NIPSNAP1: variants seen among roughly 807,000 people sequenced by gnomAD.
The protein encoded by NIPSNAP1 is nipsnap homolog 1, also known as protein NipSnap homolog 1.
In NIPSNAP1, 25 loss-of-function variants were observed where a neutral mutation model predicts 49.2. That is an observed-to-expected ratio of 0.51 (90% CI 0.37 to 0.71). The LOEUF (loss-of-function observed/expected upper bound fraction) is 0.71. Ranked by LOEUF, NIPSNAP1 falls within the 30% of genes least tolerant of loss-of-function variation. The pLI is 0.00. For missense variants in NIPSNAP1, 294 were observed against 361.0 expected (o/e 0.81, Z 1.50); for synonymous variants, 143 against 140.7 (o/e 1.02, Z -0.12).
chr22:29,581,038 C>T lies in NIPSNAP1; in HGVS notation c.45G>A (p.Leu15=). ...CAGCGCGAGGCCCCGGGCCCCCCAG[C>T]AGCCGCCGCGCCGTCACAGAGATGC... is the stretch of plus-strand genomic sequence containing the variant. ...LCSISVTARR[L]LGGPGPRAGD... is the part of the protein sequence containing the mutation. Residue 15 remains leucine (L), a synonymous_variant, in exon 1 of 10, where the codon CTG becomes CTA. Transcript: ENST00000216121. 6.5e-7 allele frequency: 1 copy of T among 1,538,698 alleles called. No individual in the cohort carries two copies.
rs571628816 is a variant in NIPSNAP1, at chr22:29,570,448, G to A, written c.183C>T (p.Thr61=). 15 of 1,614,196 alleles carry A rather than the reference G, an allele frequency of 9.3e-6. No individual in the cohort carries two copies. The South Asian group carries it at 1.6e-4, about 18-fold the overall frequency. ...KVDPRKDAHS[T]LLSKKETSNL... is the part of the protein sequence containing the mutation. ...TGCTGGTTTCCTTCTTGGACAGCAG[G>A]GTGGAGTGGGCATCCTTCCGGGGAT... Residue 61 remains threonine, a synonymous_variant, in exon 2 of 10, where the codon ACC becomes ACT. Transcript: ENST00000216121.
chr22:29,554,925 C>A lies in NIPSNAP1; in HGVS notation c.*1010G>T, dbSNP rs2064277039. ...GAGGTATGGGGGTCACTGAGGAGAC[C>A]CCCAGAGTCACTGACCCCTCCCGCC... is the stretch of plus-strand genomic sequence containing the variant. On this transcript the variant is annotated 3_prime_UTR_variant, in exon 10 of 10. Transcript: ENST00000216121. 1 of 152,556 alleles carries A rather than the reference C, an allele frequency of 6.6e-6. No individual in the cohort carries two copies. Among genetic ancestry groups the A allele is most frequent in the Non-Finnish European group, 1.5e-5 (1 of 68,040 alleles). The allele number at this position is 152,556 out of a possible 1,614,324, so 9.5% of individuals were successfully genotyped here.
rs907911501 is a variant in NIPSNAP1 at position 29,580,379 on chromosome 22, C to T, written c.98+606G>A. On this transcript the variant is annotated intron_variant, in intron 1 of 9. Transcript: ENST00000216121. ...GCTGAGAGCACATGGCCCAGCCAGACTCCCACTCCCAGGAGGCCACCAGTT... is the reference window on the plus strand; with the variant it reads ...GCTGAGAGCACATGGCCCAGCCAGATTCCCACTCCCAGGAGGCCACCAGTT... 1.2e-5 allele frequency: 7 copies of T among 607,820 alleles called. No homozygotes were observed. In the African/African-American group the frequency reaches 1.4e-4, roughly 12 times the overall value. 37.7% of individuals were successfully genotyped at this position (607,820 alleles called of 1,614,324 possible).
intron 4 of NIPSNAP1, among the ~76,000 whole-genome samples, chr22:29,562,605 C>T (rs1168771994): frequency 1.3e-5 from 2 of 151,088 alleles, no homozygotes; most frequent in Non-Finnish European, 3.0e-5. Context: ...GCAGGAGAAT[C>T]ACTTGAACCT....
At chr22:29,556,120 G>A (rs1218644479) in intron 9 of NIPSNAP1, 121 bp from the exon 10 acceptor site, 2 of 785,108 alleles carry the variant, frequency 2.5e-6, no homozygotes, top group Non-Finnish European at 4.3e-6. Flanking sequence ...GCTGCGACAG[G>A]AATGTCCCAT....
At chr22:29,557,873 T>A (rs2064306967) in intron 9 of NIPSNAP1, among the ~76,000 whole-genome samples, 1 of 152,144 alleles carries the variant, frequency 6.6e-6, no homozygotes, top group African/African-American at 2.4e-5. Flanking sequence ...ACCACCTACC[T>A]ACCACAGTTC....
intron 1 of NIPSNAP1, chr22:29,580,006 T>C (rs2064485459): frequency 2.7e-6 from 3 of 1,100,118 alleles, no homozygotes; most frequent in Admixed American, 4.6e-5. Flanking sequence ...GCAGGCACTA[T>C]CAGAACTTTG....
At chr22:29,573,799 G>A (rs1046767651) in intron 1 of NIPSNAP1, among the ~76,000 whole-genome samples, 4 of 140,662 alleles carry the variant, frequency 2.8e-5, no homozygotes, top group African/African-American at 5.2e-5. Context: ...AGGTGTGGTC[G>A]AGTGTCAAGT....
chr22:29,566,947 C>A (rs1431527799), intron 4 of NIPSNAP1, among the ~76,000 whole-genome samples: 1 of 152,102 alleles, frequency 6.6e-6, no homozygotes, highest in East Asian at 1.9e-4. Context: ...CATGGTGAAA[C>A]CCTGTTTCTA....
chr22:29,564,198 C>T, intron 4 of NIPSNAP1: 1 of 390,988 alleles, frequency 2.6e-6, no homozygotes, highest in South Asian at 2.0e-5. Flanking sequence ...GAAACTCAGA[C>T]TCTGTAACTT....
In NIPSNAP1 at chr22:29,561,478, C is replaced by G. The variant is rs578161472; in HGVS notation, c.579+28G>C. The G allele has an allele frequency of 1.2e-5, 19 of 1,613,462 alleles. No individual in the cohort carries two copies. The African/African-American group carries it at 2.3e-4, about 19-fold the overall frequency. ...GCATTGCAGCAGGGAAATTGGGGGG[C>G]AGGAGGGGGTCTGTCGGAGGGAGGC... On this transcript the variant is annotated intron_variant, in intron 6 of 9. Coordinates refer to ENST00000216121, the MANE Select transcript of NIPSNAP1 (RefSeq NM_003634.4).
chr22:29,580,071 T>A (rs2064485851), intron 1 of NIPSNAP1: 1 of 1,302,382 alleles, frequency 7.7e-7, no homozygotes, highest in African/African-American at 1.5e-5. Context: ...TTTTCACAGG[T>A]TGGGGGAGGG....
At chr22:29,572,516 A>C (rs950337702) in intron 1 of NIPSNAP1, among the ~76,000 whole-genome samples, 1 of 151,644 alleles carries the variant, frequency 6.6e-6, no homozygotes, top group Non-Finnish European at 1.5e-5. Flanking sequence ...CTCCATCTCT[A>C]CAAAAAAAAT....
At chr22:29,580,933 G>C (rs2146622518) in intron 1 of NIPSNAP1, 52 bp downstream of exon 1, 2 of 1,385,596 alleles carry the variant, frequency 1.4e-6, no homozygotes. Flanking sequence ...CCTGGCCCCC[G>C]CGCCTGCACC....
chr22:29,576,395 A>AC (rs960286043), intron 1 of NIPSNAP1, among the ~76,000 whole-genome samples: 4 of 150,988 alleles, frequency 2.6e-5, no homozygotes, highest in African/African-American at 9.9e-5. Flanking sequence ...ACAAAAAAAA[A>AC]CACTATACTT....
chr22:29,578,090 G>A (rs2064468811), intron 1 of NIPSNAP1, among the ~76,000 whole-genome samples: 1 of 150,766 alleles, frequency 6.6e-6, no homozygotes, highest in African/African-American at 2.5e-5. Context: ...TAAAGACGGG[G>A]TTTCACCATG....
rs374213165 is a variant in NIPSNAP1, at chr22:29,560,121, A to G, written c.706+613T>C. ...TTGGAATGCTTTTGCCTAGCAATTC[A>G]CAGCTGGCTCCTTCTCATCCTTTAG... On this transcript the variant is annotated intron_variant, in intron 8 of 9. Transcript: ENST00000216121. Among the ~76,000 whole-genome samples, 3 of 152,266 alleles carry G rather than the reference A, an allele frequency of 2.0e-5. No individual in the cohort carries two copies. The East Asian group carries it at 5.8e-4, about 29-fold the overall frequency.
At position 29,580,624 on chromosome 22, in the gene NIPSNAP1, CG is replaced by C. The variant is rs531615020; in HGVS notation, c.98+360del. ...ATCTCTTTCCCACAGAACTTCCCGA[CG>C]GAGGAGCTGACTACCAGAAGCCCCC... On this transcript the variant is annotated intron_variant, in intron 1 of 9. Coordinates refer to ENST00000216121, the MANE Select transcript of NIPSNAP1 (RefSeq NM_003634.4). Among the ~76,000 whole-genome samples the C allele has an allele frequency of 8.5e-5, 13 of 152,290 alleles. No homozygotes were observed. The South Asian group carries it at 2.7e-3, about 32-fold the overall frequency.
intron 9 of NIPSNAP1, 40 bp downstream of exon 9, chr22:29,558,826 TCAGA>T (rs1335041531): frequency 4.3e-6 from 6 of 1,410,752 alleles, no homozygotes; most frequent in South Asian, 3.4e-5. Flanking sequence ...GATTCCATCC[TCAGA>T]CAGGGTTCTC....
Sources: allele counts gnomAD v4.1 joint callset (sites outside exome capture counted in the v4.1 genomes callset), GRCh38; gene constraint gnomAD v4.1.1; transcripts MANE v1.5; gene names NCBI Gene and HGNC (gene_info 2026-07-23, HGNC 2026-07-21).